The following MACROD2 variants were observed in gnomAD, a reference collection of about 807,000 sequenced individuals.
MACROD2 encodes the protein mono-ADP ribosylhydrolase 2.
In MACROD2, 36 loss-of-function variants were observed where a neutral mutation model predicts 70.4. That is an observed-to-expected ratio of 0.51 (90% CI 0.39 to 0.68). The LOEUF (loss-of-function observed/expected upper bound fraction) is 0.68, where lower values mean the gene tolerates loss of function less well. Among genes scored for constraint, MACROD2 ranks in the 30% least tolerant of loss-of-function variants. The pLI is 0.00. For missense variants in MACROD2, 496 were observed against 538.4 expected (o/e 0.92, Z 0.78); for synonymous variants, 172 against 178.8 (o/e 0.96, Z 0.30).
chr20:14,214,137 T>G (rs1435565785), intron 3 of MACROD2, among the ~76,000 whole-genome samples: 1 of 152,194 alleles, frequency 6.6e-6, no homozygotes, highest in Non-Finnish European at 1.5e-5. Context: ...GTCAGTTAAC[T>G]TTAAAACTGT....
rs1321364381 is a variant in MACROD2, at chr20:14,233,516, C to T, written c.271+147788C>T. 6.4e-5 allele frequency among the ~76,000 whole-genome samples: 8 copies of T among 124,244 alleles called. No individual in the cohort carries two copies. In the Admixed American group the frequency reaches 6.5e-4, roughly 10 times the overall value. The allele number at this position is 124,244 out of a possible 152,430, so 81.5% of individuals were successfully genotyped here. ...GACTGTCCTGGCTAACATGGTGAAA[C>T]CCCGTCTCTACTAAAAAAAAAAAAA... On this transcript the variant is annotated intron_variant, in intron 3 of 17. Coordinates refer to ENST00000684519, the MANE Select transcript of MACROD2 (RefSeq NM_001351661.2).
At chr20:15,601,317 T>TTTCC (rs1356841169) in intron 8 of MACROD2, among the ~76,000 whole-genome samples, 4 of 152,294 alleles carry the variant, frequency 2.6e-5, no homozygotes, top group South Asian at 4.1e-4. Flanking sequence ...CATTTCTTTC[T>TTTCC]TTCCTTCTGC....
rs1013111 is a variant in MACROD2, at chr20:15,458,287, A to G, written c.571+26852A>G. On this transcript the variant is annotated intron_variant, in intron 7 of 17. Transcript: ENST00000684519. ...ACATAGGAACCAACTCATAAAAAGGAAATGGACTCCACCTTTTTCTCCATA... is the reference window on the plus strand; with the variant it reads ...ACATAGGAACCAACTCATAAAAAGGGAATGGACTCCACCTTTTTCTCCATA... Among the ~76,000 whole-genome samples, 543 of 152,306 alleles carry G rather than the reference A, an allele frequency of 3.6e-3. 20 individuals are homozygous for G. The highest frequency in any genetic ancestry group is 0.033 in the East Asian group (170 of 5,176).
At position 15,151,963 on chromosome 20, in the gene MACROD2, G is replaced by A. The variant is rs189297173; in HGVS notation, c.419-77977G>A. On this transcript the variant is annotated intron_variant, in intron 5 of 17. Transcript: ENST00000684519. ...AGGAAGATTAGAAAGACTCAGCGAC[G>A]CTTGGGGTTGGGACTGAGGGGACAG... is the stretch of plus-strand genomic sequence containing the variant. Among the ~76,000 whole-genome samples the A allele has an allele frequency of 2.8e-3, 422 of 152,000 alleles. 5 individuals are homozygous for A. Among genetic ancestry groups the A allele is most frequent in the African/African-American group, 9.5e-3 (393 of 41,360 alleles).
At chr20:14,568,532 T>C (rs1979959365) in intron 4 of MACROD2, among the ~76,000 whole-genome samples, 1 of 152,060 alleles carries the variant, frequency 6.6e-6, no homozygotes. Context: ...GTCTAATTTG[T>C]TGTAATTGCT....
chr20:14,199,831 A>C lies in MACROD2; in HGVS notation c.271+114103A>C, dbSNP rs533453867. On this transcript the variant is annotated intron_variant, in intron 3 of 17. Transcript: ENST00000684519. Reference sequence around the variant, plus strand: ...TATTATCCTCATTTAAAAATGAAAAACAAAAATGAGATACAGGGAAGGTAA... The same window carrying C: ...TATTATCCTCATTTAAAAATGAAAACCAAAAATGAGATACAGGGAAGGTAA... 4.6e-5 allele frequency among the ~76,000 whole-genome samples: 7 copies of C among 152,302 alleles called. No homozygotes were observed. In the East Asian group the frequency reaches 1.4e-3, roughly 29 times the overall value.
chr20:15,545,130 G>C (rs188564222), intron 8 of MACROD2, among the ~76,000 whole-genome samples: 5 of 152,304 alleles, frequency 3.3e-5, no homozygotes, highest in Admixed American at 2.6e-4. Context: ...TTCAATCAAA[G>C]GATGATTTCT....
intron 6 of MACROD2, among the ~76,000 whole-genome samples, chr20:15,422,470 C>A (rs2046242954): frequency 6.6e-6 from 1 of 151,794 alleles, no homozygotes; most frequent in Non-Finnish European, 1.5e-5. Flanking sequence ...TTTAGTATTC[C>A]TTTCTGTGAC....
At chr20:14,950,756 G>A (rs1192071493) in intron 5 of MACROD2, among the ~76,000 whole-genome samples, 1 of 152,142 alleles carries the variant, frequency 6.6e-6, no homozygotes, top group Non-Finnish European at 1.5e-5. Flanking sequence ...CATTCTTAGA[G>A]TTATTTCCTG....
At chr20:15,054,947 T>TG (rs1309704631) in intron 5 of MACROD2, among the ~76,000 whole-genome samples, 32 of 46,418 alleles carry the variant, frequency 6.9e-4, no homozygotes, top group Middle Eastern at 6.6e-3. Flanking sequence ...CACATCTAGC[T>TG]TTTTTTTTTT....
intron 2 of MACROD2, among the ~76,000 whole-genome samples, chr20:14,042,646 C>T (rs566441571): frequency 5.3e-5 from 8 of 152,282 alleles, no homozygotes; most frequent in East Asian, 1.9e-4. Flanking sequence ...AATACAAGTA[C>T]GTGCCATCAT....
At chr20:14,120,981 C>G (rs1446933013) in intron 3 of MACROD2, among the ~76,000 whole-genome samples, 2 of 151,424 alleles carry the variant, frequency 1.3e-5, no homozygotes, top group African/African-American at 2.4e-5. Flanking sequence ...ACATGTATAC[C>G]TATGTAACAA....
intron 5 of MACROD2, among the ~76,000 whole-genome samples, chr20:14,753,206 A>T (rs1015877122): frequency 6.6e-6 from 1 of 152,100 alleles, no homozygotes; most frequent in Non-Finnish European, 1.5e-5. Flanking sequence ...TGCCTCTACT[A>T]TACACCATAT....
intron 3 of MACROD2, among the ~76,000 whole-genome samples, chr20:14,263,555 GC>G (rs1389997691): frequency 1.3e-5 from 2 of 152,262 alleles, no homozygotes; most frequent in East Asian, 1.9e-4. Flanking sequence ...CCAGGGTCAA[GC>G]TTTGTGCCAT....
At chr20:14,496,585 A>G (rs146839865) in intron 4 of MACROD2, among the ~76,000 whole-genome samples, 24 of 152,310 alleles carry the variant, frequency 1.6e-4, no homozygotes, top group African/African-American at 5.8e-4. Context: ...CTAGATATCA[A>G]TCTTTCTATG....
intron 5 of MACROD2, among the ~76,000 whole-genome samples, chr20:14,985,706 G>C (rs1266229441): frequency 6.9e-6 from 1 of 145,914 alleles, no homozygotes; most frequent in Non-Finnish European, 1.5e-5. Context: ...TTTTTTTGAG[G>C]ATGATAAATG....
At chr20:14,316,964 T>A (rs1173894931) in intron 3 of MACROD2, among the ~76,000 whole-genome samples, 2 of 152,122 alleles carry the variant, frequency 1.3e-5, no homozygotes, top group Admixed American at 1.3e-4. Flanking sequence ...CCTGCCCTCT[T>A]AAAAACTGCC....
chr20:16,034,712 A>C (rs1219607417), intron 15 of MACROD2, among the ~76,000 whole-genome samples: 1 of 151,848 alleles, frequency 6.6e-6, no homozygotes, highest in Admixed American at 6.6e-5. Context: ...ATTTGGTTAC[A>C]TGAGTAAGTT....
chr20:15,949,992 AT>A (rs1232461867), intron 12 of MACROD2, among the ~76,000 whole-genome samples: 1 of 152,174 alleles, frequency 6.6e-6, no homozygotes, highest in East Asian at 1.9e-4. Flanking sequence ...AAAGTGTACT[AT>A]TTTTAAGAGT....
Sources: allele counts gnomAD v4.1 joint callset (sites outside exome capture counted in the v4.1 genomes callset), GRCh38; gene constraint gnomAD v4.1.1; transcripts MANE v1.5; gene names NCBI Gene and HGNC (gene_info 2026-07-23, HGNC 2026-07-21).